Variants in STIM2 observed in about 807,000 individuals in gnomAD.
STIM2 encodes stromal interaction molecule 2.
Under a neutral mutation model 85.8 loss-of-function variants are expected in STIM2, and 31 were observed. The observed-to-expected ratio is 0.36, with a 90% CI of 0.27 to 0.49. The LOEUF is 0.49. Ranked by LOEUF, STIM2 falls within the 20% of genes least tolerant of loss-of-function variation. STIM2 has a pLI of 0.98. For missense variants in STIM2, 841 were observed against 927.6 expected, an observed-to-expected ratio of 0.91 and a Z score of 1.21; for synonymous variants, 356 against 331.1, an observed-to-expected ratio of 1.08 and a Z score of -0.82.
chr4:26,986,710 T>C (rs1727598459), intron 3 of STIM2, among the ~76,000 whole-genome samples: 2 of 152,250 alleles, frequency 1.3e-5, no homozygotes. Flanking sequence ...GGTTCTGTTC[T>C]GGAGCCAAGG....
rs973991060 is a variant in STIM2 at position 26,954,556 on chromosome 4, G to C, written c.283-3056G>C. Among the ~76,000 whole-genome samples, 10 of 148,466 alleles carry C rather than the reference G, an allele frequency of 6.7e-5. 3 individuals are homozygous for C. Among genetic ancestry groups the C allele is most frequent in the African/African-American group, 2.6e-4 (10 of 39,100 alleles). ...TACAAAGAAGAAGTATTTGTCTTTTGTGTATGCATTTTCAGTTATTGGTGA... is the reference window on the plus strand; with the variant it reads ...TACAAAGAAGAAGTATTTGTCTTTTCTGTATGCATTTTCAGTTATTGGTGA... On this transcript the variant is annotated intron_variant, in intron 2 of 11. Transcript: ENST00000467087.
intron 2 of STIM2, among the ~76,000 whole-genome samples, chr4:26,923,235 T>C (rs1724875637): frequency 6.6e-6 from 1 of 151,098 alleles, no homozygotes; most frequent in Non-Finnish European, 1.5e-5. Context: ...TACATCACCA[T>C]CATCAAAGAC....
In STIM2 at chr4:27,008,522, A is replaced by G; in HGVS notation, c.1244A>G (p.Glu415Gly). ...GATGAGGTAGACCACAAAATTCTGG[A>G]AGCAAAGTAAGAATGTTGTTTTCAC... The change falls in exon 9 of 12, where the codon GAA becomes GGA. Residue 415 changes from glutamate to glycine, a missense_variant. Transcript: ENST00000467087. 6.3e-7 allele frequency: 1 copy of G among 1,589,028 alleles called. No homozygotes were observed. Among genetic ancestry groups the G allele is most frequent in the South Asian group, 1.2e-5 (1 of 84,516 alleles).
intron 10 of STIM2, among the ~76,000 whole-genome samples, chr4:27,009,369 A>G (rs980392150): frequency 9.2e-5 from 14 of 152,190 alleles, no homozygotes; most frequent in African/African-American, 3.4e-4. Flanking sequence ...AGTCATATAA[A>G]AACATAATTG....
chr4:26,894,881 A>G (rs1723637757), intron 1 of STIM2, among the ~76,000 whole-genome samples: 1 of 152,204 alleles, frequency 6.6e-6, no homozygotes, highest in South Asian at 2.1e-4. Context: ...GGCAGTTGAC[A>G]TACTTATAAC....
At chr4:26,936,179 TCTTA>T (rs1338835704) in intron 2 of STIM2, among the ~76,000 whole-genome samples, 8 of 152,346 alleles carry the variant, frequency 5.3e-5, no homozygotes, top group African/African-American at 1.7e-4. Flanking sequence ...TTAGAATATT[TCTTA>T]CTTAAATTGT....
chr4:26,975,146 T>C (rs1727132461), intron 3 of STIM2, among the ~76,000 whole-genome samples: 1 of 152,228 alleles, frequency 6.6e-6, no homozygotes, highest in African/African-American at 2.4e-5. Context: ...GTCTAATCTT[T>C]TTTTCAAGGT....
chr4:26,876,939 T>G (rs983681766), intron 1 of STIM2, among the ~76,000 whole-genome samples: 4 of 152,282 alleles, frequency 2.6e-5, no homozygotes, highest in African/African-American at 9.6e-5. Context: ...TCAAGCTGTA[T>G]TTTTTTGTAT....
intron 1 of STIM2, 111 bp downstream of exon 1, chr4:26,861,480 G>C (rs1722189400): frequency 1.6e-6 from 2 of 1,231,028 alleles, no homozygotes. Context: ...GCTCCGGCCA[G>C]GGCGCGATGC....
chr4:27,022,878 T>G lies in STIM2; in HGVS notation c.2123T>G (p.Val708Gly). 1 of 1,614,164 alleles carries G rather than the reference T, an allele frequency of 6.2e-7. No individual in the cohort carries two copies. The highest frequency in any genetic ancestry group is 8.5e-7 in the Non-Finnish European group (1 of 1,180,022). The stretch of plus-strand genomic sequence containing the variant: ...TCAGCTGGCAACGACAGTAAACCAG[T>G]TCAGGAAGCCCCAAGTGTTGCCAGA... Residue 708 changes from valine to glycine, a missense_variant, in exon 12 of 12, where the codon GTT becomes GGT. This residue lies in a region of STIM2 where 293 missense variants were observed against 284.5 expected (regional missense o/e 1.03). Transcript: ENST00000467087.
At chr4:27,019,694 T>TA (rs397749503) in intron 11 of STIM2, 3 of 361,428 alleles carry the variant, frequency 8.3e-6, no homozygotes, top group Admixed American at 3.8e-5. Context: ...TTTTTTTTTT[T>TA]ATGAGACGGA....
intron 3 of STIM2, among the ~76,000 whole-genome samples, chr4:26,961,229 A>G (rs1446856796): frequency 6.6e-6 from 1 of 152,178 alleles, no homozygotes; most frequent in Non-Finnish European, 1.5e-5. Context: ...TTTCCAAGAC[A>G]GAGGCTCTGG....
chr4:27,023,086 T>C lies in STIM2; in HGVS notation c.*90T>C. 1 of 1,302,424 alleles carries C rather than the reference T, an allele frequency of 7.7e-7. No homozygotes were observed. Among genetic ancestry groups the C allele is most frequent in the Non-Finnish European group, 1.1e-6 (1 of 946,798 alleles). The allele number at this position is 1,302,424 out of a possible 1,614,324, so 80.7% of individuals were successfully genotyped here. A position where few individuals can be genotyped will look rare whatever the true frequency, so the allele number is the denominator to read the frequency against. ...TCCCCACCTTTTTTTTGGTTTAATT[T>C]TAGGAATGTAACTCCATTGGGGCTT... On this transcript the variant is annotated 3_prime_UTR_variant, in exon 12 of 12. Coordinates refer to ENST00000467087, the MANE Select transcript of STIM2 (RefSeq NM_020860.4).
At chr4:26,984,519 C>A (rs555843114) in intron 3 of STIM2, among the ~76,000 whole-genome samples, 2 of 152,236 alleles carry the variant, frequency 1.3e-5, no homozygotes, top group South Asian at 4.1e-4. Context: ...TGCCACCACA[C>A]CTGGCTAATT....
rs970050895 is a variant in STIM2, at chr4:26,876,651, T to G, written c.151+15282T>G. On this transcript the variant is annotated intron_variant, in intron 1 of 11. Transcript: ENST00000467087. ...GTAACTCATAACCAAATGCCTTTATTTAATGTACTTGCTGAAAATTGACAG... is the reference window on the plus strand; with the variant it reads ...GTAACTCATAACCAAATGCCTTTATGTAATGTACTTGCTGAAAATTGACAG... 2.0e-5 allele frequency among the ~76,000 whole-genome samples: 3 copies of G among 152,172 alleles called. No individual in the cohort carries two copies. In the East Asian group the frequency reaches 5.8e-4, roughly 29 times the overall value.
chr4:26,938,243 T>C (rs1408624031), intron 2 of STIM2, among the ~76,000 whole-genome samples: 1 of 151,922 alleles, frequency 6.6e-6, no homozygotes, highest in Non-Finnish European at 1.5e-5. Context: ...CAAATAAAGA[T>C]TGTGTATATG....
intron 3 of STIM2, among the ~76,000 whole-genome samples, chr4:26,968,231 C>T (rs1176451692): frequency 1.3e-5 from 2 of 152,206 alleles, no homozygotes; most frequent in Admixed American, 1.3e-4. Flanking sequence ...GAGTGACATA[C>T]ATGCACACTC....
chr4:26,883,629 G>C (rs1203404035), intron 1 of STIM2, among the ~76,000 whole-genome samples: 1 of 152,090 alleles, frequency 6.6e-6, no homozygotes, highest in Non-Finnish European at 1.5e-5. Context: ...TCCATTCTTT[G>C]TAACACAGCT....
intron 2 of STIM2, among the ~76,000 whole-genome samples, chr4:26,943,781 C>T (rs1231041893): frequency 6.6e-6 from 1 of 151,916 alleles, no homozygotes; most frequent in Non-Finnish European, 1.5e-5. Flanking sequence ...ATTTATGATT[C>T]AGATTTAGTA....
Sources: gnomAD v4.1 joint callset for allele counts (sites outside exome capture counted in the v4.1 genomes callset) on GRCh38, gnomAD v4.1.1 for gene constraint, gnomAD v4.1.1 regional missense constraint, MANE v1.5 for transcripts, NCBI Gene and HGNC (gene_info 2026-07-23, HGNC 2026-07-21) for gene names.